AGBL4: variants seen among roughly 807,000 people sequenced by gnomAD.
The protein encoded by AGBL4 is cytosolic carboxypeptidase 6.
AGBL4 carries 58 observed loss-of-function variants against 66.4 expected under a neutral mutation model. That is an observed-to-expected ratio of 0.87 (90% CI 0.71 to 1.09). The LOEUF is 1.09. Ranked by LOEUF, AGBL4 falls within the 50% of genes least tolerant of loss-of-function variation. The probability of loss-of-function intolerance (pLI) is 0.00; values close to 1 mark genes in which losing one functional copy is unlikely to be tolerated. For synonymous variants in AGBL4, 234 were observed against 222.9 expected (o/e 1.05, Z -0.44); for missense variants, 579 against 631.0 (o/e 0.92, Z 0.88).
intron 2 of AGBL4, among the ~76,000 whole-genome samples, chr1:49,817,526 A>T (rs942477998): frequency 2.0e-5 from 3 of 152,168 alleles, no homozygotes; most frequent in Admixed American, 6.5e-5. Context: ...GTTATTTATA[A>T]CCCTGTGTTA....
intron 5 of AGBL4, among the ~76,000 whole-genome samples, chr1:48,939,526 G>C (rs184472083): frequency 6.6e-6 from 1 of 152,214 alleles, no homozygotes; most frequent in Non-Finnish European, 1.5e-5. Context: ...CCTCCAGGAG[G>C]GGGAGGAAAG....
intron 4 of AGBL4, among the ~76,000 whole-genome samples, chr1:49,056,258 A>G (rs899686348): frequency 5.3e-5 from 8 of 152,214 alleles, no homozygotes; most frequent in Non-Finnish European, 1.2e-4. Flanking sequence ...GAAGGGGGAA[A>G]AAAAAAAGCA....
chr1:49,919,762 A>C (rs1651998621), intron 1 of AGBL4, among the ~76,000 whole-genome samples: 1 of 152,170 alleles, frequency 6.6e-6, no homozygotes, highest in Non-Finnish European at 1.5e-5. Context: ...TGGAACCAAA[A>C]AAGAGCCCGC....
intron 2 of AGBL4, among the ~76,000 whole-genome samples, chr1:49,733,951 C>T (rs1481336982): frequency 1.3e-5 from 2 of 152,114 alleles, no homozygotes; most frequent in African/African-American, 4.8e-5. Context: ...AAGTAGAATT[C>T]ATCCCAAGGA....
chr1:48,978,396 G>A (rs1018391233), intron 5 of AGBL4, among the ~76,000 whole-genome samples: 1 of 152,156 alleles, frequency 6.6e-6, no homozygotes, highest in Non-Finnish European at 1.5e-5. Context: ...TCTGCTTTGT[G>A]TGTTTCTATG....
chr1:49,213,544 A>G (rs946760845), intron 4 of AGBL4, among the ~76,000 whole-genome samples: 19 of 151,946 alleles, frequency 1.3e-4, no homozygotes, highest in Admixed American at 1.1e-3. Context: ...CTTGCTCCTC[A>G]TTTGCCTACT....
intron 3 of AGBL4, among the ~76,000 whole-genome samples, chr1:49,254,907 T>A (rs1247715557): frequency 6.6e-6 from 1 of 152,070 alleles, no homozygotes; most frequent in Non-Finnish European, 1.5e-5. Flanking sequence ...AAACACGCAA[T>A]GGGGAAACGA....
At chr1:49,050,313 C>CACGA (rs1408373418) in intron 4 of AGBL4, among the ~76,000 whole-genome samples, 1 of 152,032 alleles carries the variant, frequency 6.6e-6, no homozygotes, top group Non-Finnish European at 1.5e-5. Context: ...TCAACACATT[C>CACGA]ACGAACATAC....
At chr1:50,003,821 A>T (rs1351548116) in intron 1 of AGBL4, among the ~76,000 whole-genome samples, 1 of 152,190 alleles carries the variant, frequency 6.6e-6, no homozygotes, top group African/African-American at 2.4e-5. Flanking sequence ...AAGTTTAAGG[A>T]TTTTACCTAA....
At chr1:48,838,621 G>C (rs1273144224) in intron 6 of AGBL4, among the ~76,000 whole-genome samples, 2 of 152,092 alleles carry the variant, frequency 1.3e-5, no homozygotes, top group Admixed American at 1.3e-4. Context: ...TAGGACATTG[G>C]TCTAGGCAAA....
chr1:49,991,598 CAA>C (rs1341109318), intron 1 of AGBL4, among the ~76,000 whole-genome samples: 1 of 152,144 alleles, frequency 6.6e-6, no homozygotes, highest in Non-Finnish European at 1.5e-5. Context: ...CTCCCAGAGT[CAA>C]GTTTCACATT....
At chr1:49,433,725 G>A (rs1265259495) in intron 3 of AGBL4, among the ~76,000 whole-genome samples, 2 of 152,100 alleles carry the variant, frequency 1.3e-5, no homozygotes, top group East Asian at 3.9e-4. Flanking sequence ...TGTATTGCTT[G>A]CAGCCAGTTA....
At chr1:48,777,148 G>A (rs573856329) in intron 6 of AGBL4, among the ~76,000 whole-genome samples, 5 of 152,208 alleles carry the variant, frequency 3.3e-5, no homozygotes, top group African/African-American at 1.2e-4. Flanking sequence ...GAATGGGGAG[G>A]GAAAAGGGTT....
rs1001576789 is a variant in AGBL4, at chr1:49,901,545, C to T, written c.35-50027G>A. On this transcript the variant is annotated intron_variant, in intron 1 of 13. Coordinates refer to ENST00000371839, the MANE Select transcript of AGBL4 (RefSeq NM_032785.4). ...AACACTGATCAAATTAGAGAAGACA[C>T]AAGCAAATGGAAAAACATTCCATGC... Among the ~76,000 whole-genome samples, 6 of 152,062 alleles carry T rather than the reference C, an allele frequency of 3.9e-5. No homozygotes were observed. In the East Asian group the frequency reaches 1.2e-3, roughly 29 times the overall value.
chr1:48,863,535 C>T (rs1317994145), intron 6 of AGBL4, among the ~76,000 whole-genome samples: 4 of 151,934 alleles, frequency 2.6e-5, no homozygotes, highest in Non-Finnish European at 5.9e-5. Flanking sequence ...AAGGGTATTT[C>T]CCCATAAATT....
chr1:48,849,196 T>C (rs1001835415), intron 6 of AGBL4, among the ~76,000 whole-genome samples: 9 of 152,356 alleles, frequency 5.9e-5, no homozygotes, highest in Non-Finnish European at 2.9e-5. Flanking sequence ...GAAAATGGCC[T>C]CCTTATTAAG....
intron 4 of AGBL4, among the ~76,000 whole-genome samples, chr1:49,066,442 C>T (rs765124932): frequency 2.0e-5 from 3 of 152,134 alleles, no homozygotes; most frequent in Non-Finnish European, 4.4e-5. Context: ...GTCCCAGCTA[C>T]TCAGAAGGCT....
chr1:49,421,979 GTC>G (rs1645556342), intron 3 of AGBL4, among the ~76,000 whole-genome samples: 1 of 152,138 alleles, frequency 6.6e-6, no homozygotes, highest in Non-Finnish European at 1.5e-5. Flanking sequence ...CAAGAAATGT[GTC>G]TTTCATTGCA....
chr1:49,927,072 T>A (rs193274812), intron 1 of AGBL4, among the ~76,000 whole-genome samples: 3 of 152,050 alleles, frequency 2.0e-5, no homozygotes, highest in African/African-American at 7.2e-5. Flanking sequence ...TCTTTTCACG[T>A]TTTTTCTGCC....
Sources: allele counts gnomAD v4.1 joint callset (sites outside exome capture counted in the v4.1 genomes callset), GRCh38; gene constraint gnomAD v4.1.1; transcripts MANE v1.5; gene names NCBI Gene and HGNC (gene_info 2026-07-23, HGNC 2026-07-21).